Variants in IFT56 observed in about 807,000 individuals in gnomAD.
IFT56 encodes intraflagellar transport 56, also known as intraflagellar transport protein 56.
At chr7:139,184,334 TC>T in the IFT56 span, among the ~76,000 whole-genome samples, 1 of 152,054 alleles carries the variant, frequency 6.6e-6, no homozygotes, top group African/African-American at 2.4e-5. Context: ...TGGTTGGGAG[TC>T]CCTGTTGCAT....
chr7:139,173,256 T>C, the IFT56 span: 2 of 439,886 alleles, frequency 4.5e-6, no homozygotes, highest in Non-Finnish European at 8.1e-6. Context: ...AGATGGAGTC[T>C]CGCTCTTGTT....
At chr7:139,156,702 C>T in the IFT56 span, among the ~76,000 whole-genome samples, 2 of 151,982 alleles carry the variant, frequency 1.3e-5, no homozygotes, top group Non-Finnish European at 2.9e-5. Flanking sequence ...ATGAGAATAA[C>T]TCATTGTTTC....
chr7:139,146,731 C>T, the IFT56 span, among the ~76,000 whole-genome samples: 2 of 139,206 alleles, frequency 1.4e-5, no homozygotes, highest in African/African-American at 2.8e-5. Context: ...CGTGCCATTG[C>T]ACTCCAGCCT....
the IFT56 span, among the ~76,000 whole-genome samples, chr7:139,146,766 CAAAAAAAAAA>C: frequency 6.8e-5 from 6 of 88,738 alleles, no homozygotes; most frequent in African/African-American, 2.0e-4. Context: ...GACTCCGTTT[CAAAAAAAAAA>C]AAAAAAAAGA....
chr7:139,160,956 C>G, the IFT56 span: 1 of 1,613,450 alleles, frequency 6.2e-7, no homozygotes, highest in South Asian at 1.1e-5. Flanking sequence ...AGGCAGAACT[C>G]AAAAGCTTGA....
chr7:139,161,096 T>A, the IFT56 span: 1 of 1,351,650 alleles, frequency 7.4e-7, no homozygotes, highest in Non-Finnish European at 1.0e-6. Flanking sequence ...TTAGAAAGAT[T>A]AATAAAAGGA....
chr7:139,178,142 T>G, the IFT56 span: 1 of 1,053,056 alleles, frequency 9.5e-7, no homozygotes, highest in Non-Finnish European at 1.4e-6. Context: ...AATTATTAAA[T>G]AACTCAAACT....
the IFT56 span, chr7:139,173,685 T>C: frequency 1.3e-6 from 1 of 772,206 alleles, no homozygotes; most frequent in Non-Finnish European, 2.4e-6. Flanking sequence ...GCATGTGGCA[T>C]AGCATGATGG....
chr7:139,168,925 G>A, the IFT56 span, among the ~76,000 whole-genome samples: 1 of 152,058 alleles, frequency 6.6e-6, no homozygotes, highest in Non-Finnish European at 1.5e-5. Context: ...TAGTAGATAG[G>A]CAGCAAATAT....
At chr7:139,175,434 C>T in the IFT56 span, among the ~76,000 whole-genome samples, 1 of 152,124 alleles carries the variant, frequency 6.6e-6, no homozygotes, top group African/African-American at 2.4e-5. Flanking sequence ...ATGTTTATTG[C>T]AGCACAGTTC....
the IFT56 span, among the ~76,000 whole-genome samples, chr7:139,171,004 G>A: frequency 6.6e-6 from 1 of 152,184 alleles, no homozygotes; most frequent in African/African-American, 2.4e-5. Flanking sequence ...TGGTAAAATT[G>A]CAGGATACAA....
the IFT56 span, chr7:139,187,291 T>A: frequency 8.1e-7 from 1 of 1,237,802 alleles, no homozygotes; most frequent in Non-Finnish European, 1.1e-6. Flanking sequence ...CTGAAAATGT[T>A]GTCAGCACCC....
At chr7:139,157,977 TGG>T in the IFT56 span, among the ~76,000 whole-genome samples, 2 of 152,014 alleles carry the variant, frequency 1.3e-5, no homozygotes, top group African/African-American at 4.8e-5. Context: ...GGTGTGGTGG[TGG>T]GTTGCCAAAG....
the IFT56 span, among the ~76,000 whole-genome samples, chr7:139,162,645 T>C: frequency 2.0e-5 from 3 of 152,174 alleles, no homozygotes; most frequent in African/African-American, 2.4e-5. Flanking sequence ...TGTGTTCTCA[T>C]ATGTAGAATA....
the IFT56 span, among the ~76,000 whole-genome samples, chr7:139,139,574 T>C: frequency 2.0e-5 from 3 of 152,220 alleles, no homozygotes; most frequent in Non-Finnish European, 4.4e-5. Flanking sequence ...AAAGGGTATC[T>C]TGTATGTCTT....
the IFT56 span, among the ~76,000 whole-genome samples, chr7:139,163,192 A>G: frequency 2.6e-5 from 4 of 151,778 alleles, no homozygotes; most frequent in African/African-American, 9.7e-5. Flanking sequence ...AAATACAAAA[A>G]TTAGCCGGGT....
chr7:139,168,557 G>T, the IFT56 span: 66 of 481,870 alleles, frequency 1.4e-4, no homozygotes, highest in Non-Finnish European at 1.6e-4. Context: ...AGAATGTTAT[G>T]TTATTTAGAG....
At chr7:139,142,289 T>A in the IFT56 span, 1 of 1,614,106 alleles carries the variant, frequency 6.2e-7, no homozygotes, top group East Asian at 2.2e-5. Flanking sequence ...CGCCTCCTCT[T>A]CCACTTGGCT....
At chr7:139,178,573 C>A in the IFT56 span, 2 of 1,614,168 alleles carry the variant, frequency 1.2e-6, no homozygotes, top group East Asian at 2.2e-5. Context: ...AAAGCTGCAA[C>A]AGGCAATACC....
Sources: gnomAD v4.1 joint callset for allele counts (sites outside exome capture counted in the v4.1 genomes callset) on GRCh38, gnomAD v4.1.1 for gene constraint, MANE v1.5 for transcripts, NCBI Gene and HGNC (gene_info 2026-07-23, HGNC 2026-07-21) for gene names.